Variants in SYT1 observed in about 807,000 individuals in gnomAD.
The protein encoded by SYT1 is synaptotagmin 1, also known as synaptotagmin-1.
In SYT1, 8 loss-of-function variants were observed where a neutral mutation model predicts 44.8. The observed-to-expected ratio is 0.18, with a 90% CI of 0.10 to 0.32. SYT1 has a LOEUF of 0.32. Ranked by LOEUF, SYT1 falls within the 10% of genes least tolerant of loss-of-function variation. SYT1 has a pLI of 1.00. For synonymous variants in SYT1, 154 were observed against 188.8 expected, an observed-to-expected ratio of 0.82 and a Z score of 1.51; for missense variants, 286 against 509.3, an observed-to-expected ratio of 0.56 and a Z score of 4.22.
chr12:78,892,903 GA>G (rs1436076509), intron 1 of SYT1, among the ~76,000 whole-genome samples: 6 of 151,710 alleles, frequency 4.0e-5, no homozygotes, highest in Admixed American at 2.0e-4. Flanking sequence ...GAACTTAAGA[GA>G]AACATAAGTC....
At chr12:79,288,825 T>C (rs1431123519) in intron 5 of SYT1, among the ~76,000 whole-genome samples, 2 of 152,188 alleles carry the variant, frequency 1.3e-5, no homozygotes, top group African/African-American at 4.8e-5. Flanking sequence ...ATGACTGTTC[T>C]GGACTGTCCC....
At chr12:78,992,266 A>G (rs933834279) in intron 2 of SYT1, among the ~76,000 whole-genome samples, 3 of 152,220 alleles carry the variant, frequency 2.0e-5, no homozygotes, top group African/African-American at 7.2e-5. Flanking sequence ...CTTTATACAC[A>G]ATAATTAAAA....
At chr12:79,299,274 C>A in intron 7 of SYT1, 110 bp from the exon 8 acceptor site, 1 of 1,208,462 alleles carries the variant, frequency 8.3e-7, no homozygotes, top group Non-Finnish European at 1.2e-6. Context: ...ACAAAATTAT[C>A]TCCCTGTTCT....
At chr12:79,082,184 T>C (rs947087279) in intron 3 of SYT1, among the ~76,000 whole-genome samples, 2 of 152,150 alleles carry the variant, frequency 1.3e-5, no homozygotes, top group African/African-American at 4.8e-5. Flanking sequence ...TTATATAGCC[T>C]TTTTTCAGAG....
intron 3 of SYT1, among the ~76,000 whole-genome samples, chr12:79,082,999 G>T (rs892860768): frequency 6.7e-6 from 1 of 150,308 alleles, no homozygotes; most frequent in Non-Finnish European, 1.5e-5. Flanking sequence ...ACTCCAAGAG[G>T]ATTAAAAGAA....
chr12:78,989,569 G>A (rs1197572155), intron 2 of SYT1, among the ~76,000 whole-genome samples: 1 of 152,064 alleles, frequency 6.6e-6, no homozygotes. Flanking sequence ...AGAACATGCA[G>A]GAGAAAGGGA....
intron 1 of SYT1, among the ~76,000 whole-genome samples, chr12:78,870,729 C>CT (rs1346448829): frequency 6.6e-6 from 1 of 151,994 alleles, no homozygotes; most frequent in African/African-American, 2.4e-5. Context: ...GGAACAGCCT[C>CT]TTGTTTTACT....
chr12:79,415,061 T>G (rs1868648111), intron 9 of SYT1, among the ~76,000 whole-genome samples: 1 of 152,152 alleles, frequency 6.6e-6, no homozygotes, highest in South Asian at 2.1e-4. Flanking sequence ...ATTTTCCATT[T>G]TATTTATTTA....
chr12:78,898,549 T>C (rs1277210426), intron 1 of SYT1, among the ~76,000 whole-genome samples: 1 of 152,068 alleles, frequency 6.6e-6, no homozygotes. Context: ...GTCTTAGTAA[T>C]AGACCAACAA....
At chr12:79,000,288 C>CTTTTTTT (rs559894598) in intron 2 of SYT1, among the ~76,000 whole-genome samples, 29 of 112,920 alleles carry the variant, frequency 2.6e-4, no homozygotes, top group African/African-American at 3.7e-4. Context: ...TTAACTGCTT[C>CTTTTTTT]TTTTTTTTTT....
intron 3 of SYT1, among the ~76,000 whole-genome samples, chr12:79,054,050 C>A (rs1452034271): frequency 6.6e-6 from 1 of 151,992 alleles, no homozygotes; most frequent in East Asian, 1.9e-4. Flanking sequence ...AACTAAATTT[C>A]ATTTAATTAT....
intron 4 of SYT1, among the ~76,000 whole-genome samples, chr12:79,258,316 G>A (rs1463921314): frequency 6.6e-6 from 1 of 152,146 alleles, no homozygotes; most frequent in African/African-American, 2.4e-5. Context: ...CTTTCAAACA[G>A]TTCAAAGGAA....
chr12:78,894,328 C>CTGTT (rs1875224634), intron 1 of SYT1, among the ~76,000 whole-genome samples: 2 of 9,746 alleles, frequency 2.1e-4, no homozygotes, highest in African/African-American at 3.2e-4. Context: ...GTTTTTTAAT[C>CTGTT]TGTTTTTTTT....
intron 3 of SYT1, among the ~76,000 whole-genome samples, chr12:79,198,980 A>G (rs978982084): frequency 6.6e-6 from 1 of 152,180 alleles, no homozygotes; most frequent in Admixed American, 6.5e-5. Context: ...TGGAATGACA[A>G]ACCTTCTGTG....
intron 3 of SYT1, among the ~76,000 whole-genome samples, chr12:79,054,213 C>T (rs943546696): frequency 1.3e-5 from 2 of 151,972 alleles, no homozygotes. Flanking sequence ...CTCAACTAAA[C>T]GGGGACAACT....
At position 78,876,461 on chromosome 12, in the gene SYT1, G is replaced by GTTTTTTTTTTTTTTTT. The variant is rs1491347037; in HGVS notation, c.-217+11353_-217+11354insTTTTTTTTTTTTTTTT. Among the ~76,000 whole-genome samples, 3 of 30,214 alleles carry GTTTTTTTTTTTTTTTT rather than the reference G, an allele frequency of 9.9e-5. 1 individual carries two copies. The highest frequency in any genetic ancestry group is 3.5e-4 in the Non-Finnish European group (3 of 8,474). The allele number at this position is 30,214 out of a possible 152,430, so 19.8% of individuals were successfully genotyped here. The stretch of plus-strand genomic sequence containing the variant: ...ATAATAACATGTTTTGAAAATGGAG[G>GTTTTTTTTTTTTTTTT]TGTTTTTTTTTTTTTTTTTTTTGCC... On this transcript the variant is annotated intron_variant, in intron 1 of 10. Transcript: ENST00000261205.
At chr12:78,872,398 A>G (rs1873868200) in intron 1 of SYT1, among the ~76,000 whole-genome samples, 1 of 151,846 alleles carries the variant, frequency 6.6e-6, no homozygotes, top group South Asian at 2.1e-4. Context: ...CTGTTTCATC[A>G]TTTATATATT....
chr12:79,194,822 T>G (rs1873349549), intron 3 of SYT1, among the ~76,000 whole-genome samples: 1 of 152,188 alleles, frequency 6.6e-6, no homozygotes, highest in South Asian at 2.1e-4. Context: ...TATAACCACT[T>G]CTAACCTATA....
At chr12:79,155,596 G>A (rs1275389371) in intron 3 of SYT1, among the ~76,000 whole-genome samples, 1 of 152,190 alleles carries the variant, frequency 6.6e-6, no homozygotes, top group Non-Finnish European at 1.5e-5. Flanking sequence ...GATTCACAGT[G>A]ATGTCCCTAA....
Sources: gnomAD v4.1 joint callset for allele counts (sites outside exome capture counted in the v4.1 genomes callset) on GRCh38, gnomAD v4.1.1 for gene constraint, MANE v1.5 for transcripts, NCBI Gene and HGNC (gene_info 2026-07-23, HGNC 2026-07-21) for gene names.